Variants in WDR27 observed in about 807,000 individuals in gnomAD.
WDR27 encodes WD repeat-containing protein 27.
WDR27 carries 100 observed loss-of-function variants against 114.4 expected under a neutral mutation model. That is an observed-to-expected ratio of 0.87 (90% CI 0.74 to 1.03). The LOEUF (loss-of-function observed/expected upper bound fraction) is 1.03. Ranked by LOEUF, WDR27 falls within the 50% of genes least tolerant of loss-of-function variation. WDR27 has a pLI of 0.00. For synonymous variants in WDR27, 449 were observed against 423.1 expected, an observed-to-expected ratio of 1.06 and a Z score of -0.75; for missense variants, 1,129 against 1,092.9, an observed-to-expected ratio of 1.03 and a Z score of -0.47.
At chr6:169,602,090 A>T in intron 23 of WDR27, 129 bp downstream of exon 23, 1 of 550,170 alleles carries the variant, frequency 1.8e-6, no homozygotes, top group East Asian at 2.8e-5. Flanking sequence ...ACTGTGTAAG[A>T]GTCTTAAAAT....
At chr6:169,518,977 A>C (rs1794023225) in intron 25 of WDR27, among the ~76,000 whole-genome samples, 1 of 152,210 alleles carries the variant, frequency 6.6e-6, no homozygotes, top group Non-Finnish European at 1.5e-5. Context: ...TCTGAAGTTC[A>C]AATTTCCACA....
chr6:169,477,974 T>C (rs77884365), intron 25 of WDR27, among the ~76,000 whole-genome samples: 1,633 of 152,252 alleles, frequency 0.011, 13 homozygotes, highest in Middle Eastern at 0.017. Flanking sequence ...AAAAAAACTA[T>C]TGATACATAA....
intron 25 of WDR27, among the ~76,000 whole-genome samples, chr6:169,479,088 T>A (rs757147964): frequency 2.0e-5 from 3 of 152,144 alleles, no homozygotes; most frequent in African/African-American, 4.8e-5. Context: ...ATAGCTTCTG[T>A]ACAGCAAAAG....
chr6:169,437,566 C>T, the WDR27 span, among the ~76,000 whole-genome samples: 2 of 152,072 alleles, frequency 1.3e-5, no homozygotes, highest in South Asian at 4.2e-4. Flanking sequence ...CTTTTCAGAC[C>T]CATATCTCAG....
At chr6:169,592,125 G>A (rs1280132154) in intron 23 of WDR27, among the ~76,000 whole-genome samples, 4 of 152,082 alleles carry the variant, frequency 2.6e-5, no homozygotes, top group Non-Finnish European at 4.4e-5. Context: ...GGCTGACAGG[G>A]CAAGTTCTCC....
chr6:169,692,682 C>T (rs1347981368), intron 1 of WDR27, among the ~76,000 whole-genome samples: 1 of 152,140 alleles, frequency 6.6e-6, no homozygotes, highest in Admixed American at 6.6e-5. Context: ...CCCTGGCAAC[C>T]TATGTGATGC....
At chr6:169,655,080 C>T (rs1461913391) in intron 13 of WDR27, among the ~76,000 whole-genome samples, 1 of 152,238 alleles carries the variant, frequency 6.6e-6, no homozygotes, top group Non-Finnish European at 1.5e-5. Flanking sequence ...TTCTGCCGCC[C>T]TGTGGTTACT....
chr6:169,447,437 T>C, the WDR27 span, among the ~76,000 whole-genome samples: 1 of 152,252 alleles, frequency 6.6e-6, no homozygotes, highest in Admixed American at 6.5e-5. Context: ...GGTCTTCAGA[T>C]TCCATTTCTT....
chr6:169,466,106 G>A (rs893101704), intron 25 of WDR27, among the ~76,000 whole-genome samples: 4 of 152,142 alleles, frequency 2.6e-5, no homozygotes, highest in Non-Finnish European at 5.9e-5. Context: ...GTTTCAGGTC[G>A]AGAGGAGCCC....
At chr6:169,459,784 C>G (rs1233553364) in intron 25 of WDR27, among the ~76,000 whole-genome samples, 1 of 152,066 alleles carries the variant, frequency 6.6e-6, no homozygotes, top group Non-Finnish European at 1.5e-5. Context: ...AGGCAATGGT[C>G]TTTTTCCCTG....
chr6:169,638,517 G>C (rs747539465), intron 18 of WDR27, 22 bp downstream of exon 18: 1 of 1,609,046 alleles, frequency 6.2e-7, no homozygotes, highest in African/African-American at 1.3e-5. Context: ...GACTGCCCAT[G>C]GCAGAGATGA....
intron 2 of WDR27, among the ~76,000 whole-genome samples, chr6:169,681,940 ACC>A (rs1203417336): frequency 1.3e-5 from 2 of 151,866 alleles, no homozygotes; most frequent in African/African-American, 4.8e-5. Context: ...CTAGTCTCCC[ACC>A]CACAGCAGAT....
At chr6:169,583,508 T>C (rs1162282412) in intron 23 of WDR27, among the ~76,000 whole-genome samples, 6,040 of 23,152 alleles carry the variant, frequency 0.26, 156 homozygotes, top group Middle Eastern at 0.36. Flanking sequence ...TATATATGTA[T>C]ATATACACAC....
intron 21 of WDR27, among the ~76,000 whole-genome samples, chr6:169,627,351 T>C (rs1006086941): frequency 6.6e-6 from 1 of 152,136 alleles, no homozygotes; most frequent in African/African-American, 2.4e-5. Context: ...CGGCTTGAAG[T>C]GTTCTAAAAA....
chr6:169,643,928 AAG>A (rs1819813152), intron 16 of WDR27, 142 bp from the exon 17 acceptor site: 3 of 630,536 alleles, frequency 4.8e-6, no homozygotes, highest in Admixed American at 3.0e-5. Context: ...CCTAGTTCAC[AAG>A]AGTCACACTG....
At chr6:169,634,377 G>A (rs1449515141) in intron 20 of WDR27, 51 bp downstream of exon 20, 36 of 1,391,526 alleles carry the variant, frequency 2.6e-5, no homozygotes, top group Non-Finnish European at 3.5e-5. Context: ...CTCTGCCAGA[G>A]GAACAACACT....
intron 25 of WDR27, among the ~76,000 whole-genome samples, chr6:169,519,909 TCCC>T (rs1237647788): frequency 1.3e-5 from 2 of 151,888 alleles, no homozygotes; most frequent in African/African-American, 2.4e-5. Flanking sequence ...ATGGAAAATC[TCCC>T]CCCAACTCAT....
chr6:169,670,457 TAA>T (rs200276045), intron 4 of WDR27, 110 bp downstream of exon 4: 4 of 1,229,834 alleles, frequency 3.3e-6, no homozygotes, highest in Non-Finnish European at 4.5e-6. Context: ...AGATATAGCT[TAA>T]AAAAAAAGGA....
chr6:169,671,023 A>C, intron 3 of WDR27: 2 of 220,042 alleles, frequency 9.1e-6, no homozygotes, highest in Non-Finnish European at 8.9e-6. Flanking sequence ...ATCCAACCCC[A>C]TGTCCACCCT....
Sources: allele counts gnomAD v4.1 joint callset (sites outside exome capture counted in the v4.1 genomes callset), GRCh38; gene constraint gnomAD v4.1.1; transcripts MANE v1.5; gene names NCBI Gene and HGNC (gene_info 2026-07-23, HGNC 2026-07-21).